Variants in PCGF3 observed in about 807,000 individuals in gnomAD.
The protein encoded by PCGF3 is polycomb group RING finger protein 3.
In PCGF3, 7 loss-of-function variants were observed where a neutral mutation model predicts 33.1. That is an observed-to-expected ratio of 0.21 (90% CI 0.12 to 0.40). The LOEUF is 0.40. PCGF3 is among the 10% of genes least tolerant of loss of function. The pLI is 1.00. For missense variants in PCGF3, 211 were observed against 313.3 expected (o/e 0.67, Z 2.46); for synonymous variants, 153 against 121.3 (o/e 1.26, Z -1.72).
chr4:728,452 G>A (rs747984487), intron 1 of PCGF3, among the ~76,000 whole-genome samples: 4 of 152,054 alleles, frequency 2.6e-5, no homozygotes, highest in South Asian at 2.1e-4. Context: ...GTTAAGTGTC[G>A]TAAGTAATCT....
chr4:731,461 T>G (rs1246957692), intron 3 of PCGF3: 1 of 308,900 alleles, frequency 3.2e-6, no homozygotes, highest in African/African-American at 2.2e-5. Context: ...TGCAGGGAGG[T>G]CCTCAGGGGC....
chr4:738,306 G>C (rs1334932842), intron 6 of PCGF3, among the ~76,000 whole-genome samples: 1 of 152,254 alleles, frequency 6.6e-6, no homozygotes, highest in Non-Finnish European at 1.5e-5. Context: ...CATACTGTTA[G>C]AGGCTTCTTC....
intron 1 of PCGF3, among the ~76,000 whole-genome samples, chr4:706,555 C>T (rs1742314764): frequency 7.6e-6 from 1 of 132,444 alleles, no homozygotes; most frequent in African/African-American, 2.8e-5. Context: ...CCAGGGAGGG[C>T]GAAGACCCCA....
At position 733,492 on chromosome 4, in the gene PCGF3, C is replaced by T. The variant is rs1577413882; in HGVS notation, c.-9-180C>T. On this transcript the variant is annotated intron_variant, in intron 3 of 10. Transcript: ENST00000362003. ...GTGGGCTTGTCCCAGTGCACGCAGA[C>T]ACTGGATTGCTGACCGTGCCCTGCA... is the stretch of plus-strand genomic sequence containing the variant. 2.6e-5 allele frequency among the ~76,000 whole-genome samples: 4 copies of T among 152,348 alleles called. No homozygotes were observed. The South Asian group carries it at 8.3e-4, about 32-fold the overall frequency.
intron 4 of PCGF3, chr4:734,174 C>T (rs1174319016): frequency 6.5e-7 from 1 of 1,537,268 alleles, no homozygotes; most frequent in Non-Finnish European, 8.8e-7. Context: ...TGCGTCCTCA[C>T]ACCTGATGAG....
At chr4:734,445 C>T (rs1397116047) in intron 4 of PCGF3, 16 of 1,272,010 alleles carry the variant, frequency 1.3e-5, no homozygotes, top group Non-Finnish European at 1.6e-5. Context: ...GTATTTCTCA[C>T]TTTAGGAAAT....
At chr4:713,018 T>TGGGGGCCTG (rs1742639476) in intron 1 of PCGF3, among the ~76,000 whole-genome samples, 1 of 126,308 alleles carries the variant, frequency 7.9e-6, no homozygotes, top group Non-Finnish European at 1.7e-5. Flanking sequence ...ATGGCCTTGT[T>TGGGGGCCTG]GGGGGCCTGT....
chr4:766,166 C>G (rs1464429808), exon 11 of PCGF3: 3 of 1,048,060 alleles, frequency 2.9e-6, no homozygotes, highest in Non-Finnish European at 4.4e-6. Context: ...CTCTGGGTGT[C>G]ATGTGGACCA....
chr4:757,226 C>T (rs576528540), intron 8 of PCGF3: 2 of 152,156 alleles, frequency 1.3e-5, no homozygotes, highest in East Asian at 1.9e-4. Context: ...CATGCAGGCC[C>T]GCGTTCATCT....
intron 9 of PCGF3, among the ~76,000 whole-genome samples, chr4:763,754 CG>C (rs1475999639): frequency 1.3e-5 from 2 of 152,206 alleles, no homozygotes; most frequent in African/African-American, 2.4e-5. Flanking sequence ...AACCTGCACC[CG>C]GATGTTGATA....
intron 1 of PCGF3, among the ~76,000 whole-genome samples, chr4:713,737 C>T (rs967197248): frequency 1.3e-5 from 2 of 152,064 alleles, no homozygotes; most frequent in Non-Finnish European, 2.9e-5. Flanking sequence ...TGTTCTGAGG[C>T]GGCATGAGTA....
intron 1 of PCGF3, among the ~76,000 whole-genome samples, chr4:710,803 C>T (rs760560188): frequency 2.6e-5 from 4 of 152,230 alleles, no homozygotes; most frequent in Non-Finnish European, 2.9e-5. Flanking sequence ...TTCCCAACAG[C>T]TTCAAGTGCA....
rs1213179908 is a variant in PCGF3 at position 721,215 on chromosome 4, G to A, written c.-189-9415G>A. On this transcript the variant is annotated intron_variant, in intron 1 of 10. Coordinates refer to ENST00000362003, the Ensembl canonical transcript of PCGF3. The surrounding 1 kb of genome is among the most constrained non-coding windows in gnomAD (Gnocchi z 4.1). ...GCCCTGATTCTCATGGTTCCCCAGTGAGGCTGTTCCACGGTGGCACAGGAC... is the reference window on the plus strand; with the variant it reads ...GCCCTGATTCTCATGGTTCCCCAGTAAGGCTGTTCCACGGTGGCACAGGAC... 1.3e-5 allele frequency among the ~76,000 whole-genome samples: 2 copies of A among 152,188 alleles called. No individual in the cohort carries two copies. The highest frequency in any genetic ancestry group is 4.8e-5 in the African/African-American group (2 of 41,438).
At chr4:729,114 A>C (rs899561022) in intron 1 of PCGF3, among the ~76,000 whole-genome samples, 30 of 149,454 alleles carry the variant, frequency 2.0e-4, no homozygotes, top group African/African-American at 7.1e-4. Flanking sequence ...AAAAAAAAAA[A>C]AAAAAAAAAA....
intron 1 of PCGF3, among the ~76,000 whole-genome samples, chr4:711,161 G>A (rs929307252): frequency 6.6e-6 from 1 of 152,232 alleles, no homozygotes; most frequent in African/African-American, 2.4e-5. Context: ...AGCTAGGGCC[G>A]GGAAGGGGGC....
At chr4:734,228 GAGTGT>G in intron 4 of PCGF3, 1 of 1,505,404 alleles carries the variant, frequency 6.6e-7, no homozygotes, top group Non-Finnish European at 8.9e-7. Flanking sequence ...GGCTGGACCT[GAGTGT>G]TTTTCTAAGT....
chr4:742,082 G>A (rs1306984811), intron 6 of PCGF3, among the ~76,000 whole-genome samples: 3 of 151,698 alleles, frequency 2.0e-5, no homozygotes, highest in Non-Finnish European at 4.4e-5. Context: ...ATCCACCTGC[G>A]GCCGGCCCCA....
intron 6 of PCGF3, among the ~76,000 whole-genome samples, chr4:740,119 C>T (rs1384965725): frequency 2.6e-5 from 4 of 152,234 alleles, no homozygotes; most frequent in African/African-American, 4.8e-5. Context: ...CTCATTTCTC[C>T]GACCAGAGGC....
intron 1 of PCGF3, among the ~76,000 whole-genome samples, chr4:727,004 C>T (rs905647815): frequency 2.2e-4 from 34 of 152,126 alleles, no homozygotes; most frequent in Admixed American, 6.5e-5. Context: ...CGTGTGGGAA[C>T]GTGTGTGCGC....
Sources: allele counts gnomAD v4.1 joint callset (sites outside exome capture counted in the v4.1 genomes callset), GRCh38; gene constraint gnomAD v4.1.1; non-coding constraint Gnocchi (gnomAD v3.1); transcripts MANE v1.5; gene names NCBI Gene and HGNC (gene_info 2026-07-23, HGNC 2026-07-21).